Variants in IDH3A observed in about 807,000 individuals in gnomAD.
IDH3A encodes the protein isocitrate dehydrogenase [NAD] subunit alpha, mitochondrial.
Under a neutral mutation model 43.3 loss-of-function variants are expected in IDH3A, and 23 were observed. The ratio of observed to expected loss-of-function variants is 0.53; its 90% CI spans 0.38 to 0.75. IDH3A has a LOEUF of 0.75. IDH3A is among the 30% of genes least tolerant of loss of function. The pLI, the probability that IDH3A is intolerant of heterozygous loss-of-function variation, is 0.00. For synonymous variants in IDH3A, 154 were observed against 163.5 expected (o/e 0.94, Z 0.44); for missense variants, 329 against 474.4 (o/e 0.69, Z 2.85).
rs1218941570 is a variant in IDH3A at position 78,161,120 on chromosome 15, G to A, written c.290-461G>A. Among the ~76,000 whole-genome samples the A allele has an allele frequency of 1.3e-5, 2 of 151,118 alleles. No individual in the cohort carries two copies. The highest frequency in any genetic ancestry group is 3.0e-5 in the Non-Finnish European group (2 of 67,736). On this transcript the variant is annotated intron_variant, in intron 4 of 10. Transcript: ENST00000299518. This position sits in a 1 kb window ranked among gnomAD's most constrained non-coding sequence, Gnocchi z 4.8. The stretch of plus-strand genomic sequence containing the variant: ...TGGTCTTGGACTCCTGACCTCAAGC[G>A]ATCCGCCTGCCTTGGCCTCCCAAAG...
intron 3 of IDH3A, among the ~76,000 whole-genome samples, chr15:78,157,832 T>C (rs540656533): frequency 1.1e-3 from 168 of 152,116 alleles, no homozygotes; most frequent in African/African-American, 2.8e-3. Context: ...TTCTTTTTTT[T>C]TTTTTTTTAA....
intron 8 of IDH3A, 147 bp downstream of exon 8, chr15:78,163,927 G>A (rs540448896): frequency 1.6e-6 from 1 of 608,378 alleles, no homozygotes; most frequent in South Asian, 2.2e-5. Flanking sequence ...TTCAGGTTGT[G>A]ATATGAATGA....
chr15:78,166,866 A>G (rs1595872731), intron 10 of IDH3A, among the ~76,000 whole-genome samples: 1 of 151,796 alleles, frequency 6.6e-6, no homozygotes, highest in East Asian at 1.9e-4. Context: ...TCCTGAGCTC[A>G]AGTGATCCTC....
At position 78,166,191 on chromosome 15, in the gene IDH3A, G is replaced by T. The variant is rs376383196; in HGVS notation, c.906G>T (p.Ala302=). The T allele has an allele frequency of 6.2e-7, 1 of 1,614,190 alleles. No homozygotes were observed. The highest frequency in any genetic ancestry group is 1.3e-5 in the African/African-American group (1 of 75,054). The change falls in exon 10 of 11, where the codon GCG becomes GCT. Residue 302 remains alanine, a synonymous_variant. Coordinates refer to ENST00000299518, the MANE Select transcript of IDH3A (RefSeq NM_005530.3). ...CAGACATTGCAGGCAAGGACATGGC[G>T]AATCCCACAGCCCTCCTGCTCAGTG... ...TAPDIAGKDM[A]NPTALLLSAV...
At position 78,161,289 on chromosome 15, in the gene IDH3A, G is replaced by A. The variant is rs187272539; in HGVS notation, c.290-292G>A. On this transcript the variant is annotated intron_variant, in intron 4 of 10. Coordinates refer to ENST00000299518, the MANE Select transcript of IDH3A (RefSeq NM_005530.3). This position sits in a 1 kb window ranked among gnomAD's most constrained non-coding sequence, Gnocchi z 4.8. ...TTTTATTCTTATTTTTTCTTTTTTC[G>A]TCATTTTTAAATGACAGTAACAGAG... 1.5e-3 allele frequency among the ~76,000 whole-genome samples: 230 copies of A among 152,092 alleles called. 3 individuals are homozygous for A. The highest frequency in any genetic ancestry group is 2.2e-3 in the Non-Finnish European group (151 of 67,974).
intron 1 of IDH3A, chr15:78,154,892 T>A (rs1167961276): frequency 1.5e-5 from 3 of 203,524 alleles, no homozygotes; most frequent in Non-Finnish European, 2.9e-5. Context: ...AATGATCCAC[T>A]CATCTGAGAA....
At chr15:78,162,411 G>A in intron 6 of IDH3A, 44 bp downstream of exon 6, 1 of 1,602,172 alleles carries the variant, frequency 6.2e-7, no homozygotes. Context: ...GCTTTGTTGT[G>A]GGAGAGCAGT....
rs149534543 is a variant in IDH3A at position 78,171,257 on chromosome 15, C to G, written c.*2252C>G. 3 of 504,886 alleles carry G rather than the reference C, an allele frequency of 5.9e-6. No homozygotes were observed. The East Asian group carries it at 9.6e-5, about 16-fold the overall frequency. The allele number at this position is 504,886 out of a possible 1,614,324, so 31.3% of individuals were successfully genotyped here. A position where few individuals can be genotyped will look rare whatever the true frequency, so the allele number is the denominator to read the frequency against. On this transcript the variant is annotated 3_prime_UTR_variant, in exon 11 of 11. Coordinates refer to ENST00000299518, the MANE Select transcript of IDH3A (RefSeq NM_005530.3). ...GAATTAAAACTACCCACACGTGAAG[C>G]TTCTTGGAATTGTCAGCTATTGTTG...
Position 78,165,532 on chromosome 15 carries a change from T to C in IDH3A, c.864+456T>C, listed in dbSNP as rs544635445. On this transcript the variant is annotated intron_variant, in intron 9 of 10. Transcript: ENST00000299518. ...ATACACCCATATATAAACATATATA[T>C]ATGTTTGGTTTATCTCTTCATTTCC... Among the ~76,000 whole-genome samples, 18 of 152,192 alleles carry C rather than the reference T, an allele frequency of 1.2e-4. No individual in the cohort carries two copies. In the South Asian group the frequency reaches 3.5e-3, roughly 30 times the overall value.
chr15:78,163,618 ATATT>A lies in IDH3A; in HGVS notation c.714+10_714+13del. 1 of 1,562,712 alleles carries A rather than the reference ATATT, an allele frequency of 6.4e-7. No homozygotes were observed. The highest frequency in any genetic ancestry group is 8.8e-7 in the Non-Finnish European group (1 of 1,133,374). ...ATACAGTATGTTTGAATGTAAGTATATATTCACACTTACCTGCTACTTTTTATGG... is the reference window on the plus strand; with the variant it reads ...ATACAGTATGTTTGAATGTAAGTATACACACTTACCTGCTACTTTTTATGG... On this transcript the variant is annotated intron_variant, in intron 7 of 10. Coordinates refer to ENST00000299518, the MANE Select transcript of IDH3A (RefSeq NM_005530.3).
Position 78,161,414 on chromosome 15 carries a change from T to C in IDH3A, c.290-167T>C, listed in dbSNP as rs191744561. ...TTCTGAAGATAAGAAACGCAGTTAA[T>C]GTTCCAGAAAGCTCCCGTGAGGAAG... On this transcript the variant is annotated intron_variant, in intron 4 of 10. Coordinates refer to ENST00000299518, the MANE Select transcript of IDH3A (RefSeq NM_005530.3). This position sits in a 1 kb window ranked among gnomAD's most constrained non-coding sequence, Gnocchi z 4.8. Among the ~76,000 whole-genome samples the C allele has an allele frequency of 6.6e-3, 1,003 of 152,320 alleles. 8 individuals carry two copies. Among genetic ancestry groups the C allele is most frequent in the Non-Finnish European group, 0.01 (711 of 68,038 alleles).
At chr15:78,166,778 T>C (rs1342347478) in intron 10 of IDH3A, among the ~76,000 whole-genome samples, 3 of 152,150 alleles carry the variant, frequency 2.0e-5, no homozygotes, top group East Asian at 1.9e-4. Flanking sequence ...ATTACAGGCG[T>C]GTGCCACCAC....
chr15:78,152,309 C>T (rs2074583567), intron 1 of IDH3A, among the ~76,000 whole-genome samples: 1 of 150,280 alleles, frequency 6.7e-6, no homozygotes, highest in Admixed American at 6.6e-5. Context: ...CCACCGGCCT[C>T]AGCCTCCCAA....
rs2074708654 is a variant in IDH3A, at chr15:78,163,781, G to A, written c.779+1G>A. ...CAAATTTGTATGGAGACATCCTTAG[G>A]TGAGTCTGGCTGCAACCTATTTATT... On this transcript the variant is annotated splice_donor_variant, in intron 8 of 10. Coordinates refer to ENST00000299518, the MANE Select transcript of IDH3A (RefSeq NM_005530.3). LOFTEE classifies it high-confidence loss of function. 1.2e-6 allele frequency: 2 copies of A among 1,602,186 alleles called. No homozygotes were observed. The highest frequency in any genetic ancestry group is 1.3e-5 in the African/African-American group (1 of 74,634).
chr15:78,169,038 C>T lies in IDH3A; in HGVS notation c.*33C>T. 1 of 1,321,360 alleles carries T rather than the reference C, an allele frequency of 7.6e-7. No individual in the cohort carries two copies. Among genetic ancestry groups the T allele is most frequent in the Non-Finnish European group, 1.1e-6 (1 of 919,002 alleles). The allele number at this position is 1,321,360 out of a possible 1,614,324, so 81.9% of individuals were successfully genotyped here. A position where few individuals can be genotyped will look rare whatever the true frequency, so the allele number is the denominator to read the frequency against. On this transcript the variant is annotated 3_prime_UTR_variant, in exon 11 of 11. Transcript: ENST00000299518. ...ACAACTGGCATTTACATCAGTCACT[C>T]TAAATGGACACCACATGAACCTCTG... is the stretch of plus-strand genomic sequence containing the variant.
rs375064605 is a variant in IDH3A, at chr15:78,155,190, T to C, written c.28-23T>C. On this transcript the variant is annotated intron_variant, in intron 1 of 10. Coordinates refer to ENST00000299518, the MANE Select transcript of IDH3A (RefSeq NM_005530.3). ...ATGTGGTTTAATTCTGTGTGTGATATTTCTCTGTTGATATTAATATAGGTC... is the reference window on the plus strand; with the variant it reads ...ATGTGGTTTAATTCTGTGTGTGATACTTCTCTGTTGATATTAATATAGGTC... 1.5e-4 allele frequency: 236 copies of C among 1,575,154 alleles called. No individual in the cohort carries two copies. In the Middle Eastern group the frequency reaches 4.0e-3, roughly 27 times the overall value.
At chr15:78,153,131 CCAT>C (rs1206751596) in intron 1 of IDH3A, among the ~76,000 whole-genome samples, 1 of 150,782 alleles carries the variant, frequency 6.6e-6, no homozygotes, top group Non-Finnish European at 1.5e-5. Flanking sequence ...TTTTTTTTGT[CCAT>C]TACCTAGGCT....
intron 1 of IDH3A, 142 bp downstream of exon 1, chr15:78,149,572 C>G (rs2074555777): frequency 1.5e-6 from 1 of 661,014 alleles, no homozygotes; most frequent in Non-Finnish European, 2.3e-6. Flanking sequence ...GGGAGCCGGT[C>G]CTGGTCGCCC....
At chr15:78,151,912 T>G (rs553503539) in intron 1 of IDH3A, among the ~76,000 whole-genome samples, 3 of 152,206 alleles carry the variant, frequency 2.0e-5, no homozygotes, top group South Asian at 2.1e-4. Context: ...CATTTAAAAT[T>G]TTTTTTGTAG....
Sources: gnomAD v4.1 joint callset for allele counts (sites outside exome capture counted in the v4.1 genomes callset) on GRCh38, gnomAD v4.1.1 for gene constraint, Gnocchi (gnomAD v3.1) non-coding constraint, MANE v1.5 for transcripts, NCBI Gene and HGNC (gene_info 2026-07-23, HGNC 2026-07-21) for gene names.